ERC2: variants seen among roughly 807,000 people sequenced by gnomAD.
ERC2 encodes ERC protein 2.
In ERC2, 42 loss-of-function variants were observed where a neutral mutation model predicts 114.8. The observed-to-expected ratio is 0.37, with a 90% CI of 0.29 to 0.47. ERC2 has a LOEUF of 0.47. Ranked by LOEUF, ERC2 falls within the 20% of genes least tolerant of loss-of-function variation. ERC2 has a pLI of 0.99. For missense variants in ERC2, 939 were observed against 1,150.7 expected (o/e 0.82, Z 2.66); for synonymous variants, 454 against 425.5 (o/e 1.07, Z -0.82).
At chr3:56,116,812 G>A (rs925161023) in intron 6 of ERC2, among the ~76,000 whole-genome samples, 2 of 152,236 alleles carry the variant, frequency 1.3e-5, no homozygotes, top group East Asian at 3.9e-4. Context: ...CCTCCTCTCT[G>A]ACACCTCTTT....
chr3:55,666,082 C>A (rs535936305), intron 17 of ERC2, among the ~76,000 whole-genome samples: 1 of 152,342 alleles, frequency 6.6e-6, no homozygotes, highest in Non-Finnish European at 1.5e-5. Context: ...ACACCACCAC[C>A]ATGAGGTAGA....
At chr3:55,772,432 AG>A (rs1159017571) in intron 14 of ERC2, among the ~76,000 whole-genome samples, 3 of 151,958 alleles carry the variant, frequency 2.0e-5, no homozygotes, top group Non-Finnish European at 4.4e-5. Context: ...CTCCTGCCTC[AG>A]CCCCCTGAGT....
intron 3 of ERC2, among the ~76,000 whole-genome samples, chr3:56,239,006 T>C (rs2051145449): frequency 6.6e-6 from 1 of 152,180 alleles, no homozygotes. Flanking sequence ...AAACTATGGT[T>C]TGAAATGCAT....
At chr3:55,807,444 G>T (rs994952168) in intron 14 of ERC2, among the ~76,000 whole-genome samples, 1 of 152,152 alleles carries the variant, frequency 6.6e-6, no homozygotes, top group African/African-American at 2.4e-5. Context: ...GCTAGGGCAG[G>T]GGTAAGCAGA....
At chr3:55,661,547 C>T (rs981318065) in intron 17 of ERC2, among the ~76,000 whole-genome samples, 1 of 152,172 alleles carries the variant, frequency 6.6e-6, no homozygotes, top group Non-Finnish European at 1.5e-5. Flanking sequence ...TCTTTCTCGA[C>T]TTTTAAGGGC....
intron 3 of ERC2, among the ~76,000 whole-genome samples, chr3:56,176,262 A>G (rs1477902234): frequency 2.0e-5 from 3 of 152,228 alleles, no homozygotes; most frequent in Non-Finnish European, 2.9e-5. Flanking sequence ...AATAAAAATT[A>G]TAACTTGAGG....
intron 6 of ERC2, among the ~76,000 whole-genome samples, chr3:56,114,216 C>T (rs1270537639): frequency 9.2e-5 from 14 of 152,186 alleles, no homozygotes; most frequent in Non-Finnish European, 1.5e-4. Flanking sequence ...GGAGACTTAA[C>T]ATTTAAATGT....
At chr3:55,725,473 C>A (rs1161427819) in intron 15 of ERC2, among the ~76,000 whole-genome samples, 1 of 152,092 alleles carries the variant, frequency 6.6e-6, no homozygotes, top group Non-Finnish European at 1.5e-5. Flanking sequence ...ATTCCTCCAG[C>A]AGGCAAAGGT....
chr3:56,460,013 C>T (rs564929061), intron 1 of ERC2, among the ~76,000 whole-genome samples: 12 of 152,292 alleles, frequency 7.9e-5, no homozygotes, highest in East Asian at 3.9e-4. Context: ...CTTTGAGGCA[C>T]GCCCTGGGAA....
chr3:56,345,565 A>G (rs2058273176), intron 2 of ERC2, among the ~76,000 whole-genome samples: 1 of 152,240 alleles, frequency 6.6e-6, no homozygotes, highest in Admixed American at 6.5e-5. Context: ...TAGATTGCCT[A>G]CTTCAAAAAT....
chr3:56,101,980 C>A (rs922779429), intron 6 of ERC2, among the ~76,000 whole-genome samples: 1 of 152,146 alleles, frequency 6.6e-6, no homozygotes, highest in Non-Finnish European at 1.5e-5. Context: ...GATTGGGCTA[C>A]CTTTGAGAAT....
At chr3:56,402,062 C>T (rs561021917) in intron 2 of ERC2, among the ~76,000 whole-genome samples, 2 of 152,278 alleles carry the variant, frequency 1.3e-5, no homozygotes, top group South Asian at 4.1e-4. Flanking sequence ...CACTAATTCA[C>T]TACCACAAGA....
intron 12 of ERC2, among the ~76,000 whole-genome samples, chr3:55,981,971 A>C (rs1489883387): frequency 2.6e-5 from 4 of 152,198 alleles, no homozygotes; most frequent in African/African-American, 9.6e-5. Flanking sequence ...CCACACAGTC[A>C]GTGGGCTCAG....
At chr3:56,210,945 G>A (rs2049020665) in intron 3 of ERC2, among the ~76,000 whole-genome samples, 1 of 152,128 alleles carries the variant, frequency 6.6e-6, no homozygotes, top group African/African-American at 2.4e-5. Context: ...TTTCTGAATA[G>A]GAGTGATATC....
intron 17 of ERC2, among the ~76,000 whole-genome samples, chr3:55,627,806 T>C (rs1026881048): frequency 6.6e-6 from 1 of 151,940 alleles, no homozygotes; most frequent in Admixed American, 6.5e-5. Context: ...ACCTTCCATT[T>C]TTAATTTAAA....
chr3:56,338,192 CAGA>C (rs1200360804), intron 2 of ERC2, among the ~76,000 whole-genome samples: 1 of 152,230 alleles, frequency 6.6e-6, no homozygotes, highest in Non-Finnish European at 1.5e-5. Context: ...AAGGAGAACA[CAGA>C]AGACTTTTAG....
At chr3:56,348,887 GGAAGGAAGGAAGGAAGGAAA>G (rs1401362696) in intron 2 of ERC2, among the ~76,000 whole-genome samples, 7,645 of 49,310 alleles carry the variant, frequency 0.16, 394 homozygotes, top group Admixed American at 0.22. Flanking sequence ...AAGGAAGGAA[GGAAGGAAGGAAGGAAGGAAA>G]GAAGGAAGGA....
At chr3:55,822,032 A>AT (rs112219483) in intron 14 of ERC2, among the ~76,000 whole-genome samples, 134 of 151,766 alleles carry the variant, frequency 8.8e-4, no homozygotes, top group African/African-American at 1.6e-3. Flanking sequence ...AAAACTTCAG[A>AT]TTTTTTTTTC....
At chr3:56,011,320 C>T (rs1255313149) in intron 8 of ERC2, among the ~76,000 whole-genome samples, 8 of 152,128 alleles carry the variant, frequency 5.3e-5, no homozygotes, top group African/African-American at 1.9e-4. Context: ...CCTCATCAGC[C>T]CTCATCACAA....
Sources: allele counts gnomAD v4.1 joint callset (sites outside exome capture counted in the v4.1 genomes callset), GRCh38; gene constraint gnomAD v4.1.1; transcripts MANE v1.5; gene names NCBI Gene and HGNC (gene_info 2026-07-23, HGNC 2026-07-21).